The following GALNT14 variants were observed in gnomAD, a reference collection of about 807,000 sequenced individuals.
The protein encoded by GALNT14 is polypeptide N-acetylgalactosaminyltransferase 14.
GALNT14 carries 60 observed loss-of-function variants against 77.5 expected under a neutral mutation model. The ratio of observed to expected loss-of-function variants is 0.77; its 90% confidence interval spans 0.63 to 0.96. GALNT14 has a LOEUF of 0.96. Ranked by LOEUF, GALNT14 falls within the 40% of genes least tolerant of loss-of-function variation. GALNT14 has a pLI of 0.00. For missense variants in GALNT14, 710 were observed against 731.0 expected, an observed-to-expected ratio of 0.97 and a Z score of 0.33; for synonymous variants, 280 against 281.7, an observed-to-expected ratio of 0.99 and a Z score of 0.06.
chr2:30,987,323 C>T (rs1224193268), intron 2 of GALNT14, among the ~76,000 whole-genome samples: 12 of 152,118 alleles, frequency 7.9e-5, no homozygotes, highest in Admixed American at 1.3e-4. Flanking sequence ...GGCATGCCTG[C>T]GAAGCTGTAG....
rs557225398 is a variant in GALNT14 at position 31,091,743 on chromosome 2, G to T, written c.129+46215C>A. On this transcript the variant is annotated intron_variant, in intron 1 of 14. Coordinates refer to ENST00000349752, the MANE Select transcript of GALNT14 (RefSeq NM_024572.4). ...TCGCTGTTGCCTAACAGGGTGGAAG[G>T]GATAAGGGAGCCCTCTGGGGTCTTG... Among the ~76,000 whole-genome samples, 162 of 152,288 alleles carry T rather than the reference G, an allele frequency of 1.1e-3. 1 individual carries two copies. The highest frequency in any genetic ancestry group is 2.3e-3 in the South Asian group (11 of 4,830).
chr2:31,006,918 G>A (rs888617512), intron 1 of GALNT14, among the ~76,000 whole-genome samples: 1 of 152,180 alleles, frequency 6.6e-6, no homozygotes, highest in African/African-American at 2.4e-5. Context: ...CAGATAGTAT[G>A]TACAGCAAGG....
chr2:31,093,419 C>A (rs1339862789), intron 1 of GALNT14, among the ~76,000 whole-genome samples: 1 of 152,178 alleles, frequency 6.6e-6, no homozygotes. Flanking sequence ...TATGGTGGAA[C>A]AAGACTCAGA....
In GALNT14 at chr2:30,924,825, TG is replaced by T. The variant is rs1222960756; in HGVS notation, c.1152-3del. 6.2e-7 allele frequency: 1 copy of T among 1,613,036 alleles called. No homozygotes were observed. Among genetic ancestry groups the T allele is most frequent in the Non-Finnish European group, 8.5e-7 (1 of 1,179,630 alleles). On this transcript the variant is annotated splice_polypyrimidine_tract_variant and splice_region_variant and intron_variant, in intron 11 of 14. Transcript: ENST00000349752. ...CTCAGGTCCAATCTGCTCTCAACAC[TG>T]GGGGCAACGGGGTTGTGGACAGACA...
intron 1 of GALNT14, among the ~76,000 whole-genome samples, chr2:31,082,317 G>A (rs528371200): frequency 1.4e-4 from 21 of 152,354 alleles, no homozygotes; most frequent in African/African-American, 5.1e-4. Context: ...GAAAGGCCAA[G>A]TCTCCACAAA....
intron 2 of GALNT14, among the ~76,000 whole-genome samples, chr2:30,985,818 C>G (rs1046247034): frequency 1.3e-5 from 2 of 152,312 alleles, no homozygotes; most frequent in African/African-American, 4.8e-5. Flanking sequence ...TGGGCTCCCC[C>G]TCCCCTCCCC....
chr2:31,088,589 C>T lies in GALNT14; in HGVS notation c.129+49369G>A, dbSNP rs528982409. Among the ~76,000 whole-genome samples the T allele has an allele frequency of 1.6e-4, 24 of 152,264 alleles. No individual in the cohort carries two copies. The South Asian group carries it at 3.9e-3, about 25-fold the overall frequency. On this transcript the variant is annotated intron_variant, in intron 1 of 14. Coordinates refer to ENST00000349752, the MANE Select transcript of GALNT14 (RefSeq NM_024572.4). ...CCAGCTTAGATCTGTGGAACTCTAA[C>T]GAACCCACAAACCTGTAAGCAAAAA...
rs148868529 is a variant in GALNT14 at position 30,992,957 on chromosome 2, C to A, written c.180G>T (p.Arg60=). The A allele has an allele frequency of 4.5e-4, 727 of 1,614,170 alleles. No homozygotes were observed. In the African/African-American group the frequency reaches 8.6e-3, roughly 19 times the overall value. The change falls in exon 2 of 15, where the codon CGG becomes CGT. Residue 60 remains arginine, a synonymous_variant. Coordinates refer to ENST00000349752, the MANE Select transcript of GALNT14 (RefSeq NM_024572.4). ...CGCGCCACTTTTTGGCATTCAGATA[C>A]CGCCGCTCATCAAACTGGTCCCACA... ...DDLWDQFDER[R]YLNAKKWRVG...
chr2:31,071,559 T>A (rs1421330970), intron 1 of GALNT14, among the ~76,000 whole-genome samples: 1 of 151,824 alleles, frequency 6.6e-6, no homozygotes, highest in African/African-American at 2.4e-5. Flanking sequence ...AGACCCAAAG[T>A]GGTGGAGGCA....
chr2:30,964,136 G>C (rs960319238), intron 3 of GALNT14, among the ~76,000 whole-genome samples: 1 of 152,182 alleles, frequency 6.6e-6, no homozygotes, highest in African/African-American at 2.4e-5. Context: ...GGATGGGCAG[G>C]GAGAGGCCAG....
chr2:31,070,753 A>T (rs1558545423), intron 1 of GALNT14, among the ~76,000 whole-genome samples: 1 of 152,220 alleles, frequency 6.6e-6, no homozygotes, highest in Non-Finnish European at 1.5e-5. Flanking sequence ...TGGTGGGATG[A>T]TCCAAAATCC....
intron 6 of GALNT14, among the ~76,000 whole-genome samples, chr2:30,948,506 T>C (rs572511534): frequency 6.6e-6 from 1 of 152,350 alleles, no homozygotes; most frequent in African/African-American, 2.4e-5. Context: ...TAGCCATGTC[T>C]ATTTACTGAC....
At chr2:31,137,900 G>T (rs576288966) in intron 1 of GALNT14, 58 bp downstream of exon 1, 2 of 1,554,500 alleles carry the variant, frequency 1.3e-6, no homozygotes, top group Non-Finnish European at 1.7e-6. Context: ...CCGGCACGCG[G>T]GCTGCGCGCC....
At chr2:31,016,474 A>T (rs1404042029) in intron 1 of GALNT14, among the ~76,000 whole-genome samples, 1 of 152,102 alleles carries the variant, frequency 6.6e-6, no homozygotes, top group African/African-American at 2.4e-5. Context: ...CTGGGACTAA[A>T]CAGAATCCCA....
intron 2 of GALNT14, among the ~76,000 whole-genome samples, chr2:30,967,081 A>T (rs1166499672): frequency 5.9e-5 from 9 of 152,184 alleles, no homozygotes; most frequent in African/African-American, 9.7e-5. Flanking sequence ...ATGTTCAATT[A>T]TTGCGGGGAG....
chr2:31,010,756 C>T (rs1428165406), intron 1 of GALNT14, among the ~76,000 whole-genome samples: 1 of 152,182 alleles, frequency 6.6e-6, no homozygotes, highest in Admixed American at 6.5e-5. Context: ...TCCACACTTA[C>T]CCCTCCCCAT....
chr2:31,031,166 C>A (rs1408077944), intron 1 of GALNT14, among the ~76,000 whole-genome samples: 3 of 152,152 alleles, frequency 2.0e-5, no homozygotes, highest in African/African-American at 7.2e-5. Context: ...GTAGACTTAT[C>A]AAGTCCTATT....
chr2:31,057,292 A>ATT (rs1553368986), intron 1 of GALNT14, among the ~76,000 whole-genome samples: 2 of 89,842 alleles, frequency 2.2e-5, no homozygotes, highest in Non-Finnish European at 4.6e-5. Context: ...AAAAGTTGAA[A>ATT]TTATATATAT....
At chr2:31,042,156 T>A (rs1238850959) in intron 1 of GALNT14, among the ~76,000 whole-genome samples, 1 of 152,146 alleles carries the variant, frequency 6.6e-6, no homozygotes, top group Non-Finnish European at 1.5e-5. Flanking sequence ...TCCATAGTCA[T>A]CCAGCAAAAG....
Sources: gnomAD v4.1 joint callset for allele counts (sites outside exome capture counted in the v4.1 genomes callset) on GRCh38, gnomAD v4.1.1 for gene constraint, MANE v1.5 for transcripts, NCBI Gene and HGNC (gene_info 2026-07-23, HGNC 2026-07-21) for gene names.